RNLS: variants seen among roughly 807,000 people sequenced by gnomAD.
RNLS encodes renalase, FAD dependent amine oxidase, also known as renalase.
Under a neutral mutation model 39.8 loss-of-function variants are expected in RNLS, and 39 were observed. The ratio of observed to expected loss-of-function variants is 0.98; its 90% CI spans 0.76 to 1.28. The LOEUF (loss-of-function observed/expected upper bound fraction) is 1.28. Ranked by LOEUF, RNLS falls within the 50% of genes most tolerant of loss-of-function variation. The pLI is 0.00. For synonymous variants in RNLS, 147 were observed against 150.7 expected, an observed-to-expected ratio of 0.98 and a Z score of 0.18; for missense variants, 410 against 413.3, an observed-to-expected ratio of 0.99 and a Z score of 0.07.
intron 4 of RNLS, among the ~76,000 whole-genome samples, chr10:88,477,722 C>T (rs767630446): frequency 6.6e-6 from 1 of 152,182 alleles, no homozygotes; most frequent in Admixed American, 6.5e-5. Flanking sequence ...ATTTCCATGA[C>T]CTTCCTATGA....
chr10:88,526,820 A>G (rs1847127502), intron 4 of RNLS, among the ~76,000 whole-genome samples: 1 of 152,036 alleles, frequency 6.6e-6, no homozygotes, highest in African/African-American at 2.4e-5. Flanking sequence ...ACTGCCCTTC[A>G]CTAAAGAAAG....
intron 5 of RNLS, among the ~76,000 whole-genome samples, chr10:88,362,100 T>C (rs1368409702): frequency 6.6e-6 from 1 of 152,180 alleles, no homozygotes; most frequent in African/African-American, 2.4e-5. Flanking sequence ...AATAAAATTA[T>C]ATTGAAATGA....
intron 4 of RNLS, among the ~76,000 whole-genome samples, chr10:88,526,484 C>T (rs573116515): frequency 2.6e-5 from 4 of 152,142 alleles, no homozygotes; most frequent in South Asian, 2.1e-4. Context: ...GGAAGCTGGA[C>T]AGGCACGCTA....
chr10:88,262,745 C>T, the RNLS span, among the ~76,000 whole-genome samples: 1 of 152,180 alleles, frequency 6.6e-6, no homozygotes, highest in South Asian at 2.1e-4. Context: ...TCCCGTGTCT[C>T]AGAATTGCTG....
intron 4 of RNLS, among the ~76,000 whole-genome samples, chr10:88,416,425 G>A (rs1029750471): frequency 6.6e-6 from 1 of 151,516 alleles, no homozygotes; most frequent in Non-Finnish European, 1.5e-5. Context: ...GGCTAATTTC[G>A]TATTTTTAGT....
At chr10:88,536,808 A>G (rs916809662) in intron 4 of RNLS, among the ~76,000 whole-genome samples, 2 of 152,218 alleles carry the variant, frequency 1.3e-5, no homozygotes, top group Non-Finnish European at 2.9e-5. Flanking sequence ...CCCTACCTCA[A>G]AACCAAGCTG....
intron 5 of RNLS, among the ~76,000 whole-genome samples, chr10:88,343,117 A>G (rs1848072809): frequency 6.6e-6 from 1 of 152,114 alleles, no homozygotes; most frequent in South Asian, 2.1e-4. Context: ...TGCAAAGGGA[A>G]GGCATTAAAG....
In RNLS at chr10:88,578,247, G is replaced by T. The variant is rs545088728; in HGVS notation, c.367+3320C>A. The stretch of plus-strand genomic sequence containing the variant: ...TTCTGTAGTAAGTACCCTCATTTTT[G>T]CATTTCATTACGCTCATTTTTTTCA... On this transcript the variant is annotated intron_variant, in intron 3 of 6. Coordinates refer to ENST00000331772, the MANE Select transcript of RNLS (RefSeq NM_001031709.3). 3.9e-5 allele frequency among the ~76,000 whole-genome samples: 6 copies of T among 152,018 alleles called. No homozygotes were observed. The East Asian group carries it at 9.7e-4, about 24-fold the overall frequency.
intron 4 of RNLS, among the ~76,000 whole-genome samples, chr10:88,460,472 C>T (rs1336414098): frequency 1.3e-5 from 2 of 152,222 alleles, no homozygotes; most frequent in Admixed American, 1.3e-4. Flanking sequence ...GTCTCATCAA[C>T]CTCATTATCA....
chr10:88,438,058 G>A (rs564959929), intron 4 of RNLS, among the ~76,000 whole-genome samples: 10 of 151,652 alleles, frequency 6.6e-5, no homozygotes, highest in African/African-American at 2.2e-4. Context: ...CCCAGGAGGC[G>A]GAGGTTGCGG....
chr10:88,526,498 C>A (rs1331192991), intron 4 of RNLS, among the ~76,000 whole-genome samples: 1 of 151,938 alleles, frequency 6.6e-6, no homozygotes, highest in East Asian at 1.9e-4. Context: ...CACGCTAGCT[C>A]AGGTCTGTAA....
At chr10:88,568,386 T>C (rs775407469) in intron 4 of RNLS, among the ~76,000 whole-genome samples, 22 of 152,128 alleles carry the variant, frequency 1.4e-4, no homozygotes, top group Non-Finnish European at 2.6e-4. Context: ...TTCCAAAATT[T>C]ACTAATTACA....
At position 88,296,623 on chromosome 10, in the gene RNLS, C is replaced by T. The variant is rs190164880; in HGVS notation, c.877-11117G>A. On this transcript the variant is annotated intron_variant, in intron 6 of 6. Transcript: ENST00000331772. ...GTATTAAAAAATTTAATGTTGTGTT[C>T]CTCAGAAAGACAATAATGGAGAATA... Among the ~76,000 whole-genome samples the T allele has an allele frequency of 2.0e-5, 3 of 152,134 alleles. No individual in the cohort carries two copies. In the East Asian group the frequency reaches 5.8e-4, roughly 29 times the overall value.
chr10:88,338,758 C>CTTTT (rs36061512), intron 5 of RNLS, among the ~76,000 whole-genome samples: 24 of 112,478 alleles, frequency 2.1e-4, no homozygotes, highest in East Asian at 2.5e-4. Flanking sequence ...GCTAGATTTC[C>CTTTT]TTTTTTTTTT....
intron 4 of RNLS, among the ~76,000 whole-genome samples, chr10:88,451,278 A>G (rs1319475433): frequency 1.3e-5 from 2 of 152,094 alleles, no homozygotes; most frequent in Admixed American, 1.3e-4. Flanking sequence ...TATCATGGAG[A>G]CTGAGATAGA....
rs34411833 is a variant in RNLS at position 88,504,844 on chromosome 10, AGTGT to A, written c.526+68055_526+68058del. 1.2e-3 allele frequency among the ~76,000 whole-genome samples: 170 copies of A among 136,250 alleles called. 2 individuals carry two copies. Among genetic ancestry groups the A allele is most frequent in the African/African-American group, 3.0e-3 (111 of 36,806 alleles). 89.4% of individuals were successfully genotyped at this position (136,250 alleles called of 152,430 possible). A position where few individuals can be genotyped will look rare whatever the true frequency, so the allele number is the denominator to read the frequency against. On this transcript the variant is annotated intron_variant, in intron 4 of 6. Transcript: ENST00000331772. ...GAGCAAATTAGAGAGAGAGAGACAG[AGTGT>A]GTGTGTGTGTGTGTGTGTGTGTGTG... is the stretch of plus-strand genomic sequence containing the variant.
At chr10:88,538,598 C>G (rs1847895192) in intron 4 of RNLS, among the ~76,000 whole-genome samples, 1 of 151,988 alleles carries the variant, frequency 6.6e-6, no homozygotes, top group South Asian at 2.1e-4. Flanking sequence ...TTTTTCTTTT[C>G]TTAGTAAGTT....
chr10:88,251,742 C>T, the RNLS span, among the ~76,000 whole-genome samples: 1 of 152,242 alleles, frequency 6.6e-6, no homozygotes, highest in Non-Finnish European at 1.5e-5. Context: ...TTAATACCTT[C>T]TTGTGACTTA....
chr10:88,284,188 T>C lies in RNLS; in HGVS notation c.*1166A>G, dbSNP rs1843124205. ...GGTCATAAAACCCACTTTGCAGCTA[T>C]AGAAGCAAGTTCTGCCTGTGCCTGT... On this transcript the variant is annotated 3_prime_UTR_variant, in exon 7 of 7. Coordinates refer to ENST00000331772, the MANE Select transcript of RNLS (RefSeq NM_001031709.3). The C allele has an allele frequency of 1.0e-6, 1 of 985,360 alleles. No homozygotes were observed. The highest frequency in any genetic ancestry group is 1.2e-6 in the Non-Finnish European group (1 of 829,884). The allele number at this position is 985,360 out of a possible 1,614,324, so 61.0% of individuals were successfully genotyped here. A position where few individuals can be genotyped will look rare whatever the true frequency, so the allele number is the denominator to read the frequency against.
Sources: gnomAD v4.1 joint callset for allele counts (sites outside exome capture counted in the v4.1 genomes callset) on GRCh38, gnomAD v4.1.1 for gene constraint, MANE v1.5 for transcripts, NCBI Gene and HGNC (gene_info 2026-07-23, HGNC 2026-07-21) for gene names.